The following EYA4 variants were observed in gnomAD, a reference collection of about 807,000 sequenced individuals.
EYA4 encodes the protein protein phosphatase EYA4.
Under a neutral mutation model 87.9 loss-of-function variants are expected in EYA4, and 31 were observed. The observed-to-expected ratio is 0.35, with a 90% CI of 0.27 to 0.48. The LOEUF (loss-of-function observed/expected upper bound fraction) is 0.48. Among genes scored for constraint, EYA4 ranks in the 20% least tolerant of loss-of-function variants. The pLI, the probability that EYA4 is intolerant of heterozygous loss-of-function variation, is 0.99. For synonymous variants in EYA4, 263 were observed against 270.6 expected (o/e 0.97, Z 0.28); for missense variants, 678 against 761.4 (o/e 0.89, Z 1.29).
chr6:133,408,839 T>C (rs1396310088), intron 3 of EYA4, among the ~76,000 whole-genome samples: 1 of 152,184 alleles, frequency 6.6e-6, no homozygotes, highest in East Asian at 1.9e-4. Flanking sequence ...AGGATTAAAT[T>C]TGGGACTAAT....
chr6:133,285,593 G>A (rs769089089), intron 2 of EYA4, among the ~76,000 whole-genome samples: 6 of 152,152 alleles, frequency 3.9e-5, no homozygotes, highest in Non-Finnish European at 7.4e-5. Flanking sequence ...GCAATTGGAG[G>A]CTTTTGAGCT....
At chr6:133,272,361 A>G (rs1186399155) in intron 1 of EYA4, among the ~76,000 whole-genome samples, 2 of 152,200 alleles carry the variant, frequency 1.3e-5, no homozygotes, top group African/African-American at 2.4e-5. Context: ...CCACTTCCTC[A>G]TGAACTTACT....
chr6:133,488,383 T>A (rs969594378), intron 13 of EYA4, among the ~76,000 whole-genome samples: 3 of 152,106 alleles, frequency 2.0e-5, no homozygotes, highest in Non-Finnish European at 4.4e-5. Context: ...CACCTGCTGA[T>A]TGTAGAGCCT....
At chr6:133,433,835 T>C (rs923415154) in intron 3 of EYA4, among the ~76,000 whole-genome samples, 15 of 152,094 alleles carry the variant, frequency 9.9e-5, no homozygotes, top group Non-Finnish European at 2.1e-4. Context: ...TTCACTCGGG[T>C]CCCAAATGCC....
chr6:133,510,441 C>A (rs767708572), intron 14 of EYA4: 11 of 347,298 alleles, frequency 3.2e-5, no homozygotes, highest in Non-Finnish European at 4.5e-5. Flanking sequence ...ATAATCTCAT[C>A]ATTTAGAACT....
chr6:133,325,671 C>T (rs902749827), intron 2 of EYA4, among the ~76,000 whole-genome samples: 3 of 152,148 alleles, frequency 2.0e-5, no homozygotes, highest in Non-Finnish European at 2.9e-5. Flanking sequence ...TATAAATCTG[C>T]ATCTGGAAAG....
intron 2 of EYA4, among the ~76,000 whole-genome samples, chr6:133,286,958 A>G (rs1206290513): frequency 1.3e-5 from 2 of 152,044 alleles, no homozygotes; most frequent in African/African-American, 4.8e-5. Context: ...TCTGGTATCT[A>G]CCCACTAGAT....
chr6:133,303,752 C>T (rs1001187716), intron 2 of EYA4, among the ~76,000 whole-genome samples: 20 of 152,180 alleles, frequency 1.3e-4, no homozygotes, highest in Admixed American at 2.6e-4. Context: ...GACAATATAA[C>T]AGTTTCTCCT....
intron 1 of EYA4, among the ~76,000 whole-genome samples, chr6:133,244,017 A>G (rs760163954): frequency 1.3e-5 from 2 of 152,224 alleles, no homozygotes; most frequent in Non-Finnish European, 2.9e-5. Flanking sequence ...ACCCGTATTT[A>G]GGAATGACTG....
intron 13 of EYA4, among the ~76,000 whole-genome samples, chr6:133,501,973 A>G (rs1168317194): frequency 1.3e-5 from 2 of 152,200 alleles, no homozygotes; most frequent in Non-Finnish European, 2.9e-5. Flanking sequence ...CCCTGGTTAT[A>G]CACTGGCAAC....
chr6:133,357,452 T>G (rs1294257583), intron 2 of EYA4, among the ~76,000 whole-genome samples: 1 of 152,082 alleles, frequency 6.6e-6, no homozygotes, highest in African/African-American at 2.4e-5. Context: ...TGTAGAGAGG[T>G]GAATTGTTTT....
chr6:133,323,449 A>G (rs145673564), intron 2 of EYA4, among the ~76,000 whole-genome samples: 5 of 152,264 alleles, frequency 3.3e-5, no homozygotes, highest in African/African-American at 4.8e-5. Context: ...AAGATGTAGT[A>G]TTTTGACATA....
upstream of EYA4, among the ~76,000 whole-genome samples, chr6:133,241,083 G>A (rs897687025): frequency 6.6e-6 from 1 of 152,110 alleles, no homozygotes; most frequent in African/African-American, 2.4e-5. Context: ...GATTACGGCG[G>A]CGCCACCCGG....
At chr6:133,447,887 T>A (rs1793011722) in intron 4 of EYA4, among the ~76,000 whole-genome samples, 1 of 152,146 alleles carries the variant, frequency 6.6e-6, no homozygotes. Context: ...ATAATAAAAT[T>A]TAAAAACTCA....
intron 3 of EYA4, chr6:133,435,688 C>A (rs977657239): frequency 6.6e-6 from 1 of 152,150 alleles, no homozygotes; most frequent in Admixed American, 6.5e-5. Context: ...TTTAAATGCC[C>A]GTACTTTTTC....
chr6:133,251,570 G>A (rs760167199), intron 1 of EYA4, among the ~76,000 whole-genome samples: 2 of 152,126 alleles, frequency 1.3e-5, no homozygotes, highest in South Asian at 2.1e-4. Flanking sequence ...AAATGATAAC[G>A]TTGTACCTGA....
In EYA4 at chr6:133,481,457, C is replaced by G. The variant is rs369993979; in HGVS notation, c.971-6C>G. On this transcript the variant is annotated splice_region_variant and splice_polypyrimidine_tract_variant and intron_variant, in intron 11 of 19. Transcript: ENST00000355286. The stretch of plus-strand genomic sequence containing the variant: ...CTATTCTTGACCTAAGTCATGTTAT[C>G]TATAGGAGAGTTCGATACCATGCAG... The G allele has an allele frequency of 1.4e-5, 22 of 1,613,342 alleles. No individual in the cohort carries two copies. The highest frequency in any genetic ancestry group is 2.2e-5 in the South Asian group (2 of 91,064).
chr6:133,426,702 C>T (rs3798355), intron 3 of EYA4, among the ~76,000 whole-genome samples: 12,440 of 152,202 alleles, frequency 0.082, 648 homozygotes, highest in East Asian at 0.23. Context: ...TTCCCACTTG[C>T]CCATAACAAG....
At chr6:133,516,732 A>G (rs962018965) in intron 17 of EYA4, among the ~76,000 whole-genome samples, 1 of 151,774 alleles carries the variant, frequency 6.6e-6, no homozygotes, top group African/African-American at 2.4e-5. Flanking sequence ...CAAAAAAAAA[A>G]AAAAGTAAAG....
Sources: gnomAD v4.1 joint callset for allele counts (sites outside exome capture counted in the v4.1 genomes callset) on GRCh38, gnomAD v4.1.1 for gene constraint, MANE v1.5 for transcripts, NCBI Gene and HGNC (gene_info 2026-07-23, HGNC 2026-07-21) for gene names.